Variants in SVOP observed in about 807,000 individuals in gnomAD.
The protein encoded by SVOP is SV2 related protein.
Under a neutral mutation model 69.1 loss-of-function variants are expected in SVOP, and 17 were observed. The ratio of observed to expected loss-of-function variants is 0.25; its 90% CI spans 0.17 to 0.37. SVOP has a LOEUF of 0.37. SVOP is among the 10% of genes least tolerant of loss of function. The probability of loss-of-function intolerance (pLI) is 1.00; values close to 1 mark genes in which losing one functional copy is unlikely to be tolerated. For missense variants in SVOP, 435 were observed against 597.5 expected, an observed-to-expected ratio of 0.73 and a Z score of 2.84; for synonymous variants, 238 against 238.6, an observed-to-expected ratio of 1.00 and a Z score of 0.02.
At chr12:108,919,632 C>T (rs71454757) in intron 13 of SVOP, 43 bp downstream of exon 13, 7 of 1,503,142 alleles carry the variant, frequency 4.7e-6, no homozygotes, top group Non-Finnish European at 6.3e-6. Context: ...ACCCACACCT[C>T]CACCTGTGCT....
chr12:108,991,097 G>T (rs930161657), intron 1 of SVOP, among the ~76,000 whole-genome samples: 6 of 152,138 alleles, frequency 3.9e-5, no homozygotes, highest in Non-Finnish European at 8.8e-5. Context: ...ACAACTCACC[G>T]TCCTACCCTG....
intron 9 of SVOP, 146 bp from the exon 10 acceptor site, chr12:108,937,483 A>G (rs1297402283): frequency 3.8e-6 from 3 of 794,616 alleles, no homozygotes; most frequent in Non-Finnish European, 6.5e-6. Flanking sequence ...CAGGTCTCAA[A>G]TCTACAGGAC....
At chr12:108,935,367 A>C (rs1411675563) in intron 10 of SVOP, among the ~76,000 whole-genome samples, 2 of 152,224 alleles carry the variant, frequency 1.3e-5, no homozygotes, top group Non-Finnish European at 2.9e-5. Context: ...CAATGTGTGC[A>C]AGCAAATGTA....
At chr12:108,961,481 C>T (rs539329668) in intron 5 of SVOP, among the ~76,000 whole-genome samples, 4 of 148,910 alleles carry the variant, frequency 2.7e-5, no homozygotes, top group East Asian at 2.0e-4. Context: ...TTTTCAGGAA[C>T]GCAACTTTCA....
At chr12:108,990,602 T>C (rs1287260466) in intron 1 of SVOP, among the ~76,000 whole-genome samples, 1 of 151,962 alleles carries the variant, frequency 6.6e-6, no homozygotes, top group Admixed American at 6.6e-5. Context: ...GGCACATGTA[T>C]ACATATGTAA....
chr12:109,019,517 G>A (rs2040384918), intron 1 of SVOP, among the ~76,000 whole-genome samples: 1 of 152,020 alleles, frequency 6.6e-6, no homozygotes, highest in Non-Finnish European at 1.5e-5. Flanking sequence ...TTTATTGGGG[G>A]TAATCATTTT....
intron 2 of SVOP, among the ~76,000 whole-genome samples, chr12:108,982,063 A>G (rs1226815661): frequency 1.3e-5 from 2 of 151,940 alleles, no homozygotes; most frequent in Admixed American, 6.5e-5. Context: ...CGTCACCATC[A>G]TAACCACCAT....
chr12:108,972,832 C>A (rs1229255283), intron 4 of SVOP, among the ~76,000 whole-genome samples: 2 of 152,208 alleles, frequency 1.3e-5, no homozygotes, highest in African/African-American at 4.8e-5. Flanking sequence ...GAAACACTTG[C>A]CCTGCTGCTG....
At chr12:108,981,941 T>A (rs2040137316) in intron 2 of SVOP, among the ~76,000 whole-genome samples, 2 of 151,856 alleles carry the variant, frequency 1.3e-5, no homozygotes, top group African/African-American at 4.8e-5. Context: ...ATCACCATCA[T>A]CACCACCACC....
rs374214027 is a variant in SVOP at position 108,940,828 on chromosome 12, T to A, written c.724A>T (p.Ile242Phe). ...MPSLGWRWLL[I>F]LSAVPLLLFA... is the part of the protein sequence containing the mutation. ...AGGAGGAGCGGGACAGCTGAGAGGA[T>A]GAGCAGCCAACGCCAGCCCAGGCTG... The change falls in exon 8 of 16, where the codon ATC (isoleucine) becomes TTC (phenylalanine). Residue 242 changes from isoleucine (I) to phenylalanine (F), a missense_variant. By Grantham distance (21) the Ile-to-Phe change is conservative. Transcript: ENST00000610966. 3.9e-6 allele frequency: 6 copies of A among 1,537,032 alleles called. No homozygotes were observed. The highest frequency in any genetic ancestry group is 5.2e-6 in the Non-Finnish European group (6 of 1,146,892).
At chr12:108,968,767 T>TG (rs1283886749) in intron 5 of SVOP, among the ~76,000 whole-genome samples, 17 of 150,624 alleles carry the variant, frequency 1.1e-4, no homozygotes, top group Admixed American at 7.3e-4. Flanking sequence ...TGTGTGTGTG[T>TG]TTGTGCATGT....
chr12:108,964,939 A>G (rs1188200051), intron 5 of SVOP, among the ~76,000 whole-genome samples: 1 of 152,344 alleles, frequency 6.6e-6, no homozygotes, highest in South Asian at 2.1e-4. Flanking sequence ...CACCTGCTGT[A>G]TACCAGACAC....
intron 11 of SVOP, among the ~76,000 whole-genome samples, chr12:108,925,353 G>A (rs1250173655): frequency 1.3e-5 from 2 of 152,044 alleles, no homozygotes; most frequent in African/African-American, 2.4e-5. Context: ...TAATACTGCC[G>A]CCATCTTGGT....
chr12:108,962,182 T>C (rs1166572050), intron 5 of SVOP, among the ~76,000 whole-genome samples: 2 of 152,214 alleles, frequency 1.3e-5, no homozygotes, highest in African/African-American at 4.8e-5. Flanking sequence ...CACTGCAGCC[T>C]CAACCTCCCG....
rs754369388 is a variant in SVOP at position 108,912,739 on chromosome 12, C to A, written c.1443G>T (p.Val481=). Reference sequence around the variant, plus strand: ...TCAGGTACACAGAGGATTCCAGCATCACCTAGGGGAAGGAGACACGGGTCG... The same window carrying A: ...TCAGGTACACAGAGGATTCCAGCATAACCTAGGGGAAGGAGACACGGGTCG... ...GALITPFIAQ[V]MLESSVYLTL... is the part of the protein sequence containing the mutation. Residue 481 remains valine (V), a splice_region_variant and synonymous_variant, in exon 16 of 16, where the codon GTG becomes GTT. Transcript: ENST00000610966. 26 of 1,613,472 alleles carry A rather than the reference C, an allele frequency of 1.6e-5. 1 individual carries two copies. The South Asian group carries it at 2.7e-4, about 17-fold the overall frequency.
In SVOP at chr12:108,960,933, C is replaced by T. The variant is rs755714183; in HGVS notation, c.568G>A (p.Val190Ile). 5.9e-6 allele frequency: 9 copies of T among 1,536,950 alleles called. No homozygotes were observed. Residue 190 changes from valine (V) to isoleucine (I), a missense_variant, in exon 6 of 16, where the codon GTT becomes ATT. Val to Ile is a conservative substitution (Grantham distance 29, BLOSUM62 3). Transcript: ENST00000610966. ...RGLVGFGIGG[V>I]PQSVTLYAEF... is the part of the protein sequence containing the mutation. ...TGGGTATTTACTTACGACTGGGGAA[C>T]TCCTCCGATCCCGAAGCCCACCAGG...
At chr12:108,928,238 C>T (rs978626707) in intron 11 of SVOP, among the ~76,000 whole-genome samples, 1 of 151,824 alleles carries the variant, frequency 6.6e-6, no homozygotes, top group Non-Finnish European at 1.5e-5. Flanking sequence ...ACCATTTTAA[C>T]CAAACTTTTG....
intron 11 of SVOP, among the ~76,000 whole-genome samples, chr12:108,923,992 T>C (rs1025171160): frequency 1.3e-5 from 2 of 152,108 alleles, no homozygotes; most frequent in Admixed American, 6.5e-5. Flanking sequence ...CTAATCTCCA[T>C]TGTGTTGGTA....
At chr12:108,992,411 T>C (rs147307290) in intron 1 of SVOP, among the ~76,000 whole-genome samples, 145,503 of 152,132 alleles carry the variant, frequency 0.96, 69,926 homozygotes, top group East Asian at 1. Flanking sequence ...TGCAGTGGTG[T>C]GTGCCTGTAG....
Sources: gnomAD v4.1 joint callset for allele counts (sites outside exome capture counted in the v4.1 genomes callset) on GRCh38, gnomAD v4.1.1 for gene constraint, MANE v1.5 for transcripts, NCBI Gene and HGNC (gene_info 2026-07-23, HGNC 2026-07-21) for gene names.